PDHX: variants seen among roughly 807,000 people sequenced by gnomAD.
PDHX encodes pyruvate dehydrogenase complex component X.
PDHX carries 33 observed loss-of-function variants against 55.3 expected under a neutral mutation model. The ratio of observed to expected loss-of-function variants is 0.60; its 90% confidence interval spans 0.45 to 0.80. PDHX has a LOEUF of 0.80. Ranked by LOEUF, PDHX falls within the 30% of genes least tolerant of loss-of-function variation. The pLI is 0.00. For missense variants in PDHX, 622 were observed against 619.9 expected (o/e 1.00, Z -0.04); for synonymous variants, 226 against 219.4 (o/e 1.03, Z -0.27).
chr11:34,918,195 T>C (rs1206225961), intron 1 of PDHX, among the ~76,000 whole-genome samples: 2 of 151,604 alleles, frequency 1.3e-5, no homozygotes, highest in East Asian at 3.9e-4. Context: ...CCCAGCACTT[T>C]GGGAGGCGAA....
intron 9 of PDHX, among the ~76,000 whole-genome samples, chr11:34,985,578 G>A (rs572461883): frequency 6.4e-4 from 97 of 152,332 alleles, no homozygotes; most frequent in Admixed American, 6.3e-3. Context: ...CAAGAACACA[G>A]GCAGTAGGGC....
chr11:34,977,725 A>C, intron 7 of PDHX: 1 of 456,320 alleles, frequency 2.2e-6, no homozygotes, highest in Non-Finnish European at 4.4e-6. Flanking sequence ...GTATTTGAAA[A>C]GAACGAGGAA....
At chr11:34,970,314 A>T in intron 7 of PDHX, 28 bp downstream of exon 7, 1 of 1,554,016 alleles carries the variant, frequency 6.4e-7, no homozygotes, top group Non-Finnish European at 8.9e-7. Flanking sequence ...TACTTAATAC[A>T]AAACACATGC....
chr11:34,980,352 C>CTTTTTTTT (rs57927359), intron 8 of PDHX, among the ~76,000 whole-genome samples: 8 of 74,860 alleles, frequency 1.1e-4, no homozygotes, highest in East Asian at 4.4e-4. Flanking sequence ...AAGATAGTTT[C>CTTTTTTTT]TTTTTTTTTT....
At chr11:34,981,021 T>G (rs553855884) in intron 8 of PDHX, among the ~76,000 whole-genome samples, 16 of 152,218 alleles carry the variant, frequency 1.1e-4, no homozygotes, top group Non-Finnish European at 1.5e-4. Flanking sequence ...TATTATACTT[T>G]AAGTTTTAGG....
chr11:34,916,419 G>A, upstream of PDHX: 1 of 1,498,558 alleles, frequency 6.7e-7, no homozygotes, highest in Non-Finnish European at 8.9e-7. Flanking sequence ...GGCGAACGGG[G>A]CGGGGGCCGG....
upstream of PDHX, chr11:34,915,943 G>C: frequency 1.9e-6 from 1 of 530,832 alleles, no homozygotes; most frequent in Admixed American, 3.4e-5. Flanking sequence ...TACCCGGTGA[G>C]GTCACCTAAA....
intron 3 of PDHX, 30 bp downstream of exon 3, chr11:34,947,636 G>A (rs1854655800): frequency 5.0e-6 from 7 of 1,404,480 alleles, no homozygotes; most frequent in South Asian, 3.4e-5. Flanking sequence ...TTCTTCAACA[G>A]GATGAAGATT....
intron 2 of PDHX, among the ~76,000 whole-genome samples, chr11:34,939,651 C>T (rs1401932026): frequency 6.6e-6 from 1 of 152,180 alleles, no homozygotes; most frequent in South Asian, 2.1e-4. Context: ...ATCTAAGGTA[C>T]GGAATATCCT....
Position 34,916,630 on chromosome 11 carries a change from G to A in PDHX, c.-26G>A, listed in dbSNP as rs377596373. 31 of 1,603,172 alleles carry A rather than the reference G, an allele frequency of 1.9e-5. No individual in the cohort carries two copies. The highest frequency in any genetic ancestry group is 6.8e-6 in the Non-Finnish European group (8 of 1,179,680). On this transcript the variant is annotated 5_prime_UTR_variant, in exon 1 of 11. Coordinates refer to ENST00000227868, the MANE Select transcript of PDHX (RefSeq NM_003477.3). ...GATGCTGGACATCAGGCTGTGCTGC[G>A]GGCAGCCAGTGAGAAGGCCGTCAAG...
intron 3 of PDHX, among the ~76,000 whole-genome samples, chr11:34,955,506 A>G (rs750584596): frequency 1.3e-5 from 2 of 152,208 alleles, no homozygotes; most frequent in Non-Finnish European, 2.9e-5. Flanking sequence ...ATGGTTGTAT[A>G]TCACTTGTCC....
At chr11:34,917,608 C>G (rs1381229041) in intron 1 of PDHX, among the ~76,000 whole-genome samples, 2 of 151,990 alleles carry the variant, frequency 1.3e-5, no homozygotes, top group Non-Finnish European at 2.9e-5. Flanking sequence ...AATCATCGTT[C>G]CTGGCACTCT....
intron 4 of PDHX, among the ~76,000 whole-genome samples, chr11:34,958,006 G>A (rs1444079732): frequency 6.6e-6 from 1 of 152,108 alleles, no homozygotes; most frequent in Non-Finnish European, 1.5e-5. Flanking sequence ...ACATGCATTC[G>A]TTTTCAAACT....
chr11:34,990,083 C>A (rs1009696120), intron 9 of PDHX, among the ~76,000 whole-genome samples: 1 of 152,074 alleles, frequency 6.6e-6, no homozygotes, highest in Admixed American at 6.6e-5. Context: ...GTAGGCATAC[C>A]CCAGCCAAGT....
chr11:34,952,836 G>A (rs1198531653), intron 3 of PDHX, among the ~76,000 whole-genome samples: 1 of 149,632 alleles, frequency 6.7e-6, no homozygotes, highest in Non-Finnish European at 1.5e-5. Flanking sequence ...GGAAGTTCTG[G>A]CCAGGGCAAT....
chr11:34,916,780 A>G lies in PDHX; in HGVS notation c.125A>G (p.Asn42Ser). ...GGGTGGTCTGTAAGCCGCGGAGCTA[A>G]TTGGAGATGGTTTCACAGCACGCAG... ...ALGWSVSRGA[N>S]WRWFHSTQWL... The change falls in exon 1 of 11, where the codon AAT becomes AGT. Residue 42 changes from asparagine (N) to serine (S), a missense_variant. Coordinates refer to ENST00000227868, the MANE Select transcript of PDHX (RefSeq NM_003477.3). The G allele has an allele frequency of 6.2e-7, 1 of 1,601,074 alleles. No homozygotes were observed. The highest frequency in any genetic ancestry group is 8.5e-7 in the Non-Finnish European group (1 of 1,174,158).
At chr11:34,920,466 A>T (rs1233445465) in intron 1 of PDHX, among the ~76,000 whole-genome samples, 1 of 152,232 alleles carries the variant, frequency 6.6e-6, no homozygotes, top group African/African-American at 2.4e-5. Context: ...CTACAGTAGG[A>T]TTCCAAGTTG....
intron 3 of PDHX, among the ~76,000 whole-genome samples, chr11:34,953,710 C>A (rs1002820580): frequency 3.9e-5 from 6 of 152,080 alleles, no homozygotes; most frequent in Admixed American, 1.3e-4. Context: ...TATTGGATAC[C>A]ATCTCTGATG....
intron 1 of PDHX, among the ~76,000 whole-genome samples, chr11:34,918,550 C>T (rs572961531): frequency 4.1e-4 from 62 of 152,258 alleles, no homozygotes; most frequent in African/African-American, 1.4e-3. Context: ...ATTCCCTATC[C>T]CCTAGACATA....
Sources: allele counts gnomAD v4.1 joint callset (sites outside exome capture counted in the v4.1 genomes callset), GRCh38; gene constraint gnomAD v4.1.1; transcripts MANE v1.5; gene names NCBI Gene and HGNC (gene_info 2026-07-23, HGNC 2026-07-21).